The following MYT1L variants were observed in gnomAD, a reference collection of about 807,000 sequenced individuals.
MYT1L encodes the protein myelin transcription factor 1 like.
In MYT1L, 12 loss-of-function variants were observed where a neutral mutation model predicts 126.7. The ratio of observed to expected loss-of-function variants is 0.09; its 90% CI spans 0.06 to 0.15. The LOEUF (loss-of-function observed/expected upper bound fraction) is 0.15. Ranked by LOEUF, MYT1L falls within the 10% of genes least tolerant of loss-of-function variation. MYT1L has a pLI of 1.00. For missense variants in MYT1L, 979 were observed against 1,585.2 expected (o/e 0.62, Z 6.49); for synonymous variants, 541 against 604.2 (o/e 0.90, Z 1.53).
chr2:1,892,506 C>CTTTT (rs5828877), intron 14 of MYT1L, among the ~76,000 whole-genome samples: 7 of 134,282 alleles, frequency 5.2e-5, no homozygotes, highest in Admixed American at 7.4e-5. Context: ...TTCCTTTTTC[C>CTTTT]TTTTTTTTTT....
intron 2 of MYT1L, among the ~76,000 whole-genome samples, chr2:2,186,135 A>C (rs2092150253): frequency 3.8e-5 from 5 of 131,202 alleles, no homozygotes; most frequent in Admixed American, 3.7e-4. Flanking sequence ...TCCTTCCGTG[A>C]GGGGGACGCA....
intron 8 of MYT1L, among the ~76,000 whole-genome samples, chr2:1,978,877 G>A (rs2060380247): frequency 6.6e-6 from 1 of 152,138 alleles, no homozygotes; most frequent in Admixed American, 6.5e-5. Context: ...AAGTTCTTAG[G>A]TGGCCGTGTG....
intron 3 of MYT1L, among the ~76,000 whole-genome samples, chr2:2,086,647 G>A (rs1192458659): frequency 1.3e-5 from 2 of 152,180 alleles, no homozygotes; most frequent in Non-Finnish European, 2.9e-5. Context: ...CTGCCCTGCT[G>A]TTGGTTCTGA....
Position 2,317,874 on chromosome 2 carries a change from G to C in MYT1L, c.-521+13093C>G, listed in dbSNP as rs9309700. Among the ~76,000 whole-genome samples the C allele has an allele frequency of 2.6e-3, 400 of 152,202 alleles. 3 individuals carry two copies. The highest frequency in any genetic ancestry group is 9.3e-3 in the African/African-American group (388 of 41,506). On this transcript the variant is annotated intron_variant, in intron 1 of 24. Coordinates refer to ENST00000647738, the MANE Select transcript of MYT1L (RefSeq NM_001303052.2). Reference sequence around the variant, plus strand: ...CGTGCCCTTAGTTAAAAATCTAAGAGCAGGTGCCAAGAGGGACTCTAATGC... The same window carrying C: ...CGTGCCCTTAGTTAAAAATCTAAGACCAGGTGCCAAGAGGGACTCTAATGC...
chr2:2,229,867 T>C (rs1485801772), intron 2 of MYT1L, among the ~76,000 whole-genome samples: 91 of 152,204 alleles, frequency 6.0e-4, no homozygotes, highest in Non-Finnish European at 5.9e-5. Flanking sequence ...CAAGTCTTTG[T>C]CCTCTCCACC....
In MYT1L at chr2:2,273,264, G is replaced by C. The variant is rs374308035; in HGVS notation, c.-421+11140C>G. Among the ~76,000 whole-genome samples the C allele has an allele frequency of 1.8e-3, 276 of 152,258 alleles. 2 individuals are homozygous for C. The highest frequency in any genetic ancestry group is 6.2e-3 in the African/African-American group (257 of 41,550). On this transcript the variant is annotated intron_variant, in intron 2 of 24. Coordinates refer to ENST00000647738, the MANE Select transcript of MYT1L (RefSeq NM_001303052.2). Reference sequence around the variant, plus strand: ...CATTGAGAAAAACACTAAATAGTGAGGGAGAAGAAAAACAAAATGAGTAAG... The same window carrying C: ...CATTGAGAAAAACACTAAATAGTGACGGAGAAGAAAAACAAAATGAGTAAG...
intron 9 of MYT1L, among the ~76,000 whole-genome samples, chr2:1,926,542 A>C (rs75934258): frequency 0.016 from 2,436 of 152,242 alleles, 54 homozygotes; most frequent in South Asian, 0.091. Context: ...AAAAAGCAGG[A>C]GGCCATTTTA....
intron 3 of MYT1L, among the ~76,000 whole-genome samples, chr2:2,152,965 G>A (rs979556608): frequency 1.3e-5 from 2 of 152,122 alleles, no homozygotes; most frequent in Admixed American, 6.6e-5. Context: ...TGTGAGCCTG[G>A]CTTTTATAGC....
At chr2:2,177,935 C>T (rs940408792) in intron 2 of MYT1L, among the ~76,000 whole-genome samples, 2 of 152,120 alleles carry the variant, frequency 1.3e-5, no homozygotes. Flanking sequence ...CCAGTGTGGA[C>T]ACAGACCCAG....
At chr2:2,058,915 G>C (rs532673673) in intron 3 of MYT1L, among the ~76,000 whole-genome samples, 1 of 152,106 alleles carries the variant, frequency 6.6e-6, no homozygotes, top group Admixed American at 6.5e-5. Flanking sequence ...ATTTAGAAGC[G>C]ATTGAGGATG....
In MYT1L at chr2:1,840,807, G is replaced by A. The variant is rs1365475226; in HGVS notation, c.2811C>T (p.Ile937=). ...SGCPRAKKSG[I]RIAQSKEDKE... ...TATCTTCTTTGCTCTGTGCTATCCT[G>A]ATACCACTTTTCTTTGCTCTTGGGC... Residue 937 remains isoleucine, a synonymous_variant, in exon 20 of 25, where the codon ATC becomes ATT. Coordinates refer to ENST00000647738, the MANE Select transcript of MYT1L (RefSeq NM_001303052.2). 6.4e-7 allele frequency: 1 copy of A among 1,550,616 alleles called. No homozygotes were observed. The highest frequency in any genetic ancestry group is 8.7e-7 in the Non-Finnish European group (1 of 1,146,938).
intron 4 of MYT1L, among the ~76,000 whole-genome samples, chr2:2,041,231 T>C (rs935810367): frequency 2.0e-5 from 3 of 152,234 alleles, no homozygotes; most frequent in African/African-American, 7.2e-5. Flanking sequence ...ATAATTGTAC[T>C]ATTAATGAAA....
chr2:1,982,456 T>C (rs1039621050), intron 5 of MYT1L, among the ~76,000 whole-genome samples: 121 of 152,354 alleles, frequency 7.9e-4, no homozygotes, highest in African/African-American at 2.7e-3. Flanking sequence ...GAGGCTTCCA[T>C]TGGATTCCAT....
At chr2:1,984,215 GTA>G (rs1301971894) in intron 5 of MYT1L, among the ~76,000 whole-genome samples, 3 of 152,202 alleles carry the variant, frequency 2.0e-5, no homozygotes, top group East Asian at 3.9e-4. Flanking sequence ...AGATTATAAT[GTA>G]TATATATTTG....
At chr2:1,911,689 C>T (rs897239273) in intron 12 of MYT1L, among the ~76,000 whole-genome samples, 1 of 152,218 alleles carries the variant, frequency 6.6e-6, no homozygotes, top group South Asian at 2.1e-4. Flanking sequence ...TTCCAGGCCA[C>T]GTCCTGTCCA....
chr2:2,250,945 A>C (rs563346591), intron 2 of MYT1L, among the ~76,000 whole-genome samples: 1 of 152,296 alleles, frequency 6.6e-6, no homozygotes, highest in Non-Finnish European at 1.5e-5. Flanking sequence ...ATAATTAAAA[A>C]ATGTTTAAAA....
intron 4 of MYT1L, among the ~76,000 whole-genome samples, chr2:2,032,044 A>G (rs1410339942): frequency 9.6e-3 from 527 of 54,784 alleles, no homozygotes; most frequent in Middle Eastern, 0.029. Flanking sequence ...CCTCGCCAGT[A>G]CCTCTCATCC....
chr2:2,063,407 C>A (rs555821890), intron 3 of MYT1L, among the ~76,000 whole-genome samples: 2 of 152,098 alleles, frequency 1.3e-5, no homozygotes, highest in South Asian at 2.1e-4. Context: ...TCCTGGAAAC[C>A]CTTTTCACAT....
intron 2 of MYT1L, among the ~76,000 whole-genome samples, chr2:2,247,545 T>A (rs976924591): frequency 1.2e-4 from 19 of 152,278 alleles, no homozygotes; most frequent in African/African-American, 3.8e-4. Flanking sequence ...CTAATAGATA[T>A]TTAAAGAACA....
Sources: allele counts gnomAD v4.1 joint callset (sites outside exome capture counted in the v4.1 genomes callset), GRCh38; gene constraint gnomAD v4.1.1; transcripts MANE v1.5; gene names NCBI Gene and HGNC (gene_info 2026-07-23, HGNC 2026-07-21).